Variants in MCF2L2 observed in about 807,000 individuals in gnomAD.
MCF2L2 encodes the protein probable guanine nucleotide exchange factor MCF2L2.
In MCF2L2, 102 loss-of-function variants were observed where a neutral mutation model predicts 150.2. The observed-to-expected ratio is 0.68, with a 90% CI of 0.58 to 0.80. MCF2L2 has a LOEUF of 0.80. Among genes scored for constraint, MCF2L2 ranks in the 30% least tolerant of loss-of-function variants. The probability of loss-of-function intolerance (pLI) is 0.00; values close to 1 mark genes in which losing one functional copy is unlikely to be tolerated. For missense variants in MCF2L2, 1,256 were observed against 1,372.8 expected, an observed-to-expected ratio of 0.91 and a Z score of 1.34; for synonymous variants, 465 against 491.3, an observed-to-expected ratio of 0.95 and a Z score of 0.71.
chr3:183,393,192 CTTTTTTTT>C (rs11390628), intron 1 of MCF2L2, among the ~76,000 whole-genome samples: 1 of 132,044 alleles, frequency 7.6e-6, no homozygotes, highest in East Asian at 2.2e-4. Context: ...AAACTTGTCT[CTTTTTTTT>C]TTTTTTTTTT....
chr3:183,378,869 A>AAAAG (rs1466974261), intron 3 of MCF2L2: 1 of 153,130 alleles, frequency 6.5e-6, no homozygotes, highest in Non-Finnish European at 1.5e-5. Context: ...AAAAAAAAAA[A>AAAAG]ATACAAAAAT....
intron 15 of MCF2L2, among the ~76,000 whole-genome samples, chr3:183,239,031 T>A (rs1198397884): frequency 6.8e-6 from 1 of 147,934 alleles, no homozygotes; most frequent in Admixed American, 6.7e-5. Context: ...CTCTCAAGGA[T>A]TTACCATCTA....
At chr3:183,282,506 A>C (rs575982255) in intron 14 of MCF2L2, among the ~76,000 whole-genome samples, 5 of 152,330 alleles carry the variant, frequency 3.3e-5, no homozygotes, top group African/African-American at 1.2e-4. Flanking sequence ...GTTTTAATAA[A>C]TTTGCAAATA....
intron 14 of MCF2L2, 62 bp downstream of exon 14, chr3:183,289,058 A>AT: frequency 9.1e-7 from 1 of 1,094,876 alleles, no homozygotes; most frequent in Non-Finnish European, 1.4e-6. Context: ...TTTATTGATA[A>AT]TTGTGACAGC....
chr3:183,383,762 A>G (rs1040351724), intron 2 of MCF2L2, among the ~76,000 whole-genome samples: 3 of 152,016 alleles, frequency 2.0e-5, no homozygotes, highest in African/African-American at 7.3e-5. Context: ...ACAGTTCCTT[A>G]TATTTTATTT....
intron 20 of MCF2L2, among the ~76,000 whole-genome samples, chr3:183,222,256 C>T (rs1013122422): frequency 6.6e-6 from 1 of 152,106 alleles, no homozygotes; most frequent in Non-Finnish European, 1.5e-5. Context: ...CAGAGCATGG[C>T]TGGTATGTCT....
chr3:183,393,188 GTC>G (rs1358244382), intron 1 of MCF2L2, among the ~76,000 whole-genome samples: 1 of 134,504 alleles, frequency 7.4e-6, no homozygotes, highest in South Asian at 2.4e-4. Context: ...GGAGAAACTT[GTC>G]TCTTTTTTTT....
At position 183,341,593 on chromosome 3, in the gene MCF2L2, C is replaced by T. The variant is rs757105353; in HGVS notation, c.313G>A (p.Asp105Asn). ...GAGCTCCACTTGTCTCTTCGTCTGTCGATAACAACAATGAATCCAATGCTG... is the reference window on the plus strand; with the variant it reads ...GAGCTCCACTTGTCTCTTCGTCTGTTGATAACAACAATGAATCCAATGCTG... ...AASIGFIVVI[D>N]RRRDKWSSVK... The change falls in exon 4 of 30, where the codon GAC becomes AAC. Residue 105 changes from aspartate to asparagine, a missense_variant. Asp to Asn is a conservative substitution (Grantham distance 23, BLOSUM62 1). Transcript: ENST00000328913. 8 of 1,614,008 alleles carry T rather than the reference C, an allele frequency of 5.0e-6. No individual in the cohort carries two copies. In the East Asian group the frequency reaches 6.7e-5, roughly 13 times the overall value.
At chr3:183,206,914 AAAG>A (rs1722495757) in intron 23 of MCF2L2, among the ~76,000 whole-genome samples, 11 of 123,358 alleles carry the variant, frequency 8.9e-5, no homozygotes, top group African/African-American at 3.4e-4. Context: ...AGAAAGAAAG[AAAG>A]GAAGGAAGGA....
chr3:183,262,016 ATATT>A (rs1361811372), intron 15 of MCF2L2, among the ~76,000 whole-genome samples: 2 of 147,468 alleles, frequency 1.4e-5, no homozygotes, highest in Non-Finnish European at 3.0e-5. Flanking sequence ...ATATATATGA[ATATT>A]TATTAATAAA....
chr3:183,421,693 C>T (rs1485507516), intron 1 of MCF2L2, among the ~76,000 whole-genome samples: 1 of 152,200 alleles, frequency 6.6e-6, no homozygotes, highest in Non-Finnish European at 1.5e-5. Context: ...AAGGGTCACA[C>T]TTTCCTGTTT....
chr3:183,309,266 GT>G (rs10554213), intron 10 of MCF2L2, among the ~76,000 whole-genome samples: 69 of 149,446 alleles, frequency 4.6e-4, no homozygotes, highest in South Asian at 1.1e-3. Flanking sequence ...AAAACTAGTT[GT>G]TTTTTTTTTT....
intron 10 of MCF2L2, among the ~76,000 whole-genome samples, chr3:183,304,629 C>T (rs1729013327): frequency 6.7e-6 from 1 of 149,148 alleles, no homozygotes. Context: ...CTATGCCTGG[C>T]TAATTTTTTT....
intron 3 of MCF2L2, 94 bp downstream of exon 3, chr3:183,379,203 C>T (rs1037246196): frequency 4.5e-5 from 38 of 837,550 alleles, no homozygotes; most frequent in Non-Finnish European, 6.4e-5. Context: ...GTACACCATG[C>T]TCATGGAAGT....
intron 12 of MCF2L2, chr3:183,296,694 T>C (rs76584603): frequency 0.02 from 5,832 of 291,894 alleles, 118 homozygotes; most frequent in African/African-American, 0.054. Context: ...ATGCCTATTT[T>C]TAATCATCAT....
chr3:183,338,357 G>A (rs777383934), intron 5 of MCF2L2, among the ~76,000 whole-genome samples: 1 of 149,218 alleles, frequency 6.7e-6, no homozygotes, highest in Non-Finnish European at 1.5e-5. Context: ...TGAGGCAGGA[G>A]AATCACTTGA....
intron 14 of MCF2L2, among the ~76,000 whole-genome samples, chr3:183,280,860 A>AC (rs1488435952): frequency 6.6e-6 from 1 of 151,330 alleles, no homozygotes; most frequent in African/African-American, 2.4e-5. Flanking sequence ...AAAAAAAAAA[A>AC]AACAAACAAG....
intron 14 of MCF2L2, among the ~76,000 whole-genome samples, chr3:183,288,486 T>C (rs1292449545): frequency 6.6e-6 from 1 of 151,342 alleles, no homozygotes; most frequent in Non-Finnish European, 1.5e-5. Flanking sequence ...ATGCTCTTTT[T>C]TTTTTTTTTT....
intron 15 of MCF2L2, chr3:183,272,263 C>A (rs1194399792): frequency 1.0e-6 from 1 of 1,000,128 alleles, no homozygotes; most frequent in African/African-American, 1.7e-5. Context: ...CCTCCCTTCA[C>A]TACAGAAAGA....
Sources: allele counts gnomAD v4.1 joint callset (sites outside exome capture counted in the v4.1 genomes callset), GRCh38; gene constraint gnomAD v4.1.1; transcripts MANE v1.5; gene names NCBI Gene and HGNC (gene_info 2026-07-23, HGNC 2026-07-21).